NUDCD3: variants seen among roughly 807,000 people sequenced by gnomAD.
The protein encoded by NUDCD3 is NudC domain containing 3, also known as nudC domain-containing protein 3.
A neutral mutation model predicts 39.7 loss-of-function variants in NUDCD3; 13 were observed. The ratio of observed to expected loss-of-function variants is 0.33; its 90% CI spans 0.21 to 0.52. The LOEUF is 0.52. NUDCD3 is among the 20% of genes least tolerant of loss of function. The pLI is 0.96. For missense variants in NUDCD3, 453 were observed against 458.1 expected, an observed-to-expected ratio of 0.99 and a Z score of 0.10; for synonymous variants, 175 against 172.4, an observed-to-expected ratio of 1.02 and a Z score of -0.12.
intron 1 of NUDCD3, among the ~76,000 whole-genome samples, chr7:44,488,929 G>A (rs1206160991): frequency 6.6e-6 from 1 of 152,122 alleles, no homozygotes; most frequent in African/African-American, 2.4e-5. Context: ...ATAAGATAAC[G>A]ACCCCAGAAT....
chr7:44,415,666 C>T (rs1349297619), intron 3 of NUDCD3, among the ~76,000 whole-genome samples: 1 of 152,152 alleles, frequency 6.6e-6, no homozygotes, highest in Non-Finnish European at 1.5e-5. Flanking sequence ...AGAGGCAAAG[C>T]TCTGATAATG....
intron 3 of NUDCD3, among the ~76,000 whole-genome samples, chr7:44,405,303 A>C (rs1472184556): frequency 6.6e-6 from 1 of 151,910 alleles, no homozygotes; most frequent in Non-Finnish European, 1.5e-5. Flanking sequence ...GGCCTTCCCC[A>C]CCGCCCTAGG....
chr7:44,470,177 G>A (rs1800225634), intron 2 of NUDCD3, among the ~76,000 whole-genome samples: 1 of 152,036 alleles, frequency 6.6e-6, no homozygotes, highest in Non-Finnish European at 1.5e-5. Flanking sequence ...TTTTTTAAAA[G>A]ACCAAAAAAT....
chr7:44,413,558 C>T (rs529208985), intron 3 of NUDCD3, among the ~76,000 whole-genome samples: 5 of 152,298 alleles, frequency 3.3e-5, no homozygotes, highest in African/African-American at 4.8e-5. Flanking sequence ...TAGAAAGATG[C>T]TCCACCTCAC....
chr7:44,415,855 T>C (rs758045288), intron 3 of NUDCD3, among the ~76,000 whole-genome samples: 2 of 152,258 alleles, frequency 1.3e-5, no homozygotes, highest in Middle Eastern at 3.4e-3. Context: ...CAATGTCCCA[T>C]AGGTGCCACA....
rs1798300133 is a variant in NUDCD3, at chr7:44,381,232, T to G, written c.*4779A>C. The G allele has an allele frequency of 6.6e-6, 1 of 152,314 alleles. No homozygotes were observed. The allele number at this position is 152,314 out of a possible 1,614,324, so 9.4% of individuals were successfully genotyped here. On this transcript the variant is annotated 3_prime_UTR_variant, in exon 6 of 6. Transcript: ENST00000355451. ...CAGGGTCCCTTGATGAACAGTCCAC[T>G]GGGAATGGGGCCTGCAGTGGCCCTG... is the stretch of plus-strand genomic sequence containing the variant.
intron 2 of NUDCD3, among the ~76,000 whole-genome samples, chr7:44,459,163 T>A (rs1189313539): frequency 1.3e-5 from 2 of 152,104 alleles, no homozygotes; most frequent in African/African-American, 4.8e-5. Context: ...AGTATTTTTT[T>A]ATATATATTC....
intron 2 of NUDCD3, among the ~76,000 whole-genome samples, chr7:44,461,391 T>A (rs1034602263): frequency 8.5e-5 from 13 of 152,062 alleles, no homozygotes; most frequent in Non-Finnish European, 1.5e-5. Context: ...CACATATACA[T>A]GGGATGGGAG....
chr7:44,430,770 AT>A (rs1799349370), intron 2 of NUDCD3, among the ~76,000 whole-genome samples: 1 of 152,212 alleles, frequency 6.6e-6, no homozygotes, highest in Non-Finnish European at 1.5e-5. Context: ...CACTTGGCCT[AT>A]ACCACCAGTG....
chr7:44,439,659 C>A (rs144085608), intron 2 of NUDCD3, among the ~76,000 whole-genome samples: 1 of 149,662 alleles, frequency 6.7e-6, no homozygotes, highest in African/African-American at 2.4e-5. Context: ...AACTCAGAAG[C>A]CACAATGGCC....
At chr7:44,450,264 A>G (rs1232028936) in intron 2 of NUDCD3, among the ~76,000 whole-genome samples, 1 of 151,002 alleles carries the variant, frequency 6.6e-6, no homozygotes, top group Non-Finnish European at 1.5e-5. Flanking sequence ...TGCAACCTCT[A>G]CCTCCTGGGG....
At chr7:44,408,464 A>G (rs1024827262) in intron 3 of NUDCD3, among the ~76,000 whole-genome samples, 1 of 152,204 alleles carries the variant, frequency 6.6e-6, no homozygotes, top group Non-Finnish European at 1.5e-5. Flanking sequence ...TTCTGAGGTT[A>G]TGATGAAGTA....
At chr7:44,469,949 G>A (rs1329224329) in intron 2 of NUDCD3, among the ~76,000 whole-genome samples, 10 of 152,002 alleles carry the variant, frequency 6.6e-5, no homozygotes, top group African/African-American at 2.4e-4. Context: ...ACACAACCAC[G>A]AATACAATGA....
intron 2 of NUDCD3, among the ~76,000 whole-genome samples, chr7:44,477,847 T>C (rs1162868672): frequency 2.1e-5 from 3 of 142,184 alleles, no homozygotes; most frequent in Non-Finnish European, 3.1e-5. Flanking sequence ...TTTTTTTTTT[T>C]AGATGGAGTC....
At chr7:44,478,691 G>A (rs867885929) in intron 2 of NUDCD3, among the ~76,000 whole-genome samples, 1 of 152,310 alleles carries the variant, frequency 6.6e-6, no homozygotes, top group Non-Finnish European at 1.5e-5. Context: ...TCAGGGAGAT[G>A]CTAAAATCAG....
At chr7:44,463,127 G>A (rs116250693) in intron 2 of NUDCD3, among the ~76,000 whole-genome samples, 178 of 152,264 alleles carry the variant, frequency 1.2e-3, no homozygotes, top group African/African-American at 3.7e-3. Flanking sequence ...TCTTGACCCC[G>A]ATAGGGTCAG....
chr7:44,390,193 C>T (rs1482715813), intron 5 of NUDCD3, among the ~76,000 whole-genome samples: 2 of 151,918 alleles, frequency 1.3e-5, no homozygotes, highest in Admixed American at 6.6e-5. Flanking sequence ...GGTGAAATCC[C>T]GTCTCTACTA....
chr7:44,392,460 T>C lies in NUDCD3; in HGVS notation c.812A>G (p.Tyr271Cys), dbSNP rs1798538512. 1.2e-6 allele frequency: 2 copies of C among 1,613,952 alleles called. No homozygotes were observed. Among genetic ancestry groups the C allele is most frequent in the African/African-American group, 1.3e-5 (1 of 74,908 alleles). The change falls in exon 5 of 6, where the codon TAT (tyrosine) becomes TGT (cysteine). Residue 271 changes from tyrosine to cysteine, a missense_variant. By Grantham distance (194) the Tyr-to-Cys change is radical. Coordinates refer to ENST00000355451, the MANE Select transcript of NUDCD3 (RefSeq NM_015332.4). ...VLVNLSKVGE[Y>C]WWNAILEGEE... The stretch of plus-strand genomic sequence containing the variant: ...TCCCTCCAGGATGGCGTTCCACCAA[T>C]ACTCGCCCACCTTGCTCAGGTTCAC...
rs550629487 is a variant in NUDCD3 at position 44,437,315 on chromosome 7, G to A, written c.510-9612C>T. Reference sequence around the variant, plus strand: ...AAACTTCTGACCTCATGATCTGCCCGCCTTGGCCTCCCAAAGTGCTGGGAT... The same window carrying A: ...AAACTTCTGACCTCATGATCTGCCCACCTTGGCCTCCCAAAGTGCTGGGAT... On this transcript the variant is annotated intron_variant, in intron 2 of 5. Transcript: ENST00000355451. 5.3e-5 allele frequency among the ~76,000 whole-genome samples: 8 copies of A among 152,090 alleles called. No individual in the cohort carries two copies. The South Asian group carries it at 8.3e-4, about 16-fold the overall frequency.
Sources: gnomAD v4.1 joint callset for allele counts (sites outside exome capture counted in the v4.1 genomes callset) on GRCh38, gnomAD v4.1.1 for gene constraint, MANE v1.5 for transcripts, NCBI Gene and HGNC (gene_info 2026-07-23, HGNC 2026-07-21) for gene names.